MYH10: variants seen among roughly 807,000 people sequenced by gnomAD.
MYH10 encodes the protein myosin heavy chain 10, also known as myosin-10.
MYH10 carries 55 observed loss-of-function variants against 257.8 expected under a neutral mutation model. The observed-to-expected ratio is 0.21, with a 90% CI of 0.17 to 0.27. The LOEUF (loss-of-function observed/expected upper bound fraction) is 0.27. MYH10 is among the 10% of genes least tolerant of loss of function. MYH10 has a pLI of 1.00. For synonymous variants in MYH10, 854 were observed against 921.7 expected (o/e 0.93, Z 1.33); for missense variants, 1,631 against 2,500.6 (o/e 0.65, Z 7.42).
intron 7 of MYH10, among the ~76,000 whole-genome samples, chr17:8,566,526 T>C (rs769287340): frequency 1.3e-5 from 2 of 151,828 alleles, no homozygotes; most frequent in Non-Finnish European, 2.9e-5. Flanking sequence ...CCAAGAGCCA[T>C]GTAGGATAGG....
chr17:8,557,193 TC>T (rs766111440), intron 7 of MYH10, among the ~76,000 whole-genome samples: 13 of 152,128 alleles, frequency 8.5e-5, no homozygotes, highest in Non-Finnish European at 1.6e-4. Context: ...AAATTACACC[TC>T]AATAGTTGAT....
At chr17:8,577,866 G>A (rs2152021734) in intron 4 of MYH10, among the ~76,000 whole-genome samples, 1 of 152,280 alleles carries the variant, frequency 6.6e-6, no homozygotes, top group African/African-American at 2.4e-5. Flanking sequence ...CCAGTAAGAG[G>A]ACACAGGAAA....
At chr17:8,602,957 T>C (rs138510102) in intron 3 of MYH10, among the ~76,000 whole-genome samples, 55 of 152,350 alleles carry the variant, frequency 3.6e-4, no homozygotes, top group African/African-American at 1.3e-3. Flanking sequence ...TAATATGATA[T>C]GCTGATAAGC....
intron 2 of MYH10, among the ~76,000 whole-genome samples, chr17:8,621,834 C>A (rs765167978): frequency 6.6e-6 from 1 of 152,168 alleles, no homozygotes; most frequent in East Asian, 1.9e-4. Flanking sequence ...TCACAAACAG[C>A]CCTTAACTGA....
At chr17:8,592,959 A>ATATGTATATATATATATATATATATG (rs1567953148) in intron 3 of MYH10, among the ~76,000 whole-genome samples, 1 of 121,396 alleles carries the variant, frequency 8.2e-6, no homozygotes, top group African/African-American at 2.8e-5. Context: ...ATATATATAT[A>ATATGTATATATATATATATATATATG]TATATATATA....
chr17:8,611,181 C>T (rs922112929), intron 2 of MYH10, among the ~76,000 whole-genome samples: 2 of 152,236 alleles, frequency 1.3e-5, no homozygotes, highest in Admixed American at 1.3e-4. Context: ...ATGGCTACAC[C>T]CTAAGAGTTA....
chr17:8,511,688 C>A (rs1030172587), intron 24 of MYH10, among the ~76,000 whole-genome samples: 2 of 152,156 alleles, frequency 1.3e-5, no homozygotes, highest in African/African-American at 4.8e-5. Flanking sequence ...TGAGTGTTTT[C>A]TTGTAAAAAT....
In MYH10 at chr17:8,490,930, CTT is replaced by C. The variant is rs887014788; in HGVS notation, c.4672-380_4672-379del. The stretch of plus-strand genomic sequence containing the variant: ...GAGGAACAAGTACAACAGTACATCT[CTT>C]CTTGCTGTAGAGAAGATCATTCGTA... On this transcript the variant is annotated intron_variant, in intron 34 of 42. Transcript: ENST00000360416. The surrounding 1 kb of genome is among the most constrained non-coding windows in gnomAD (Gnocchi z 4.1). Among the ~76,000 whole-genome samples the C allele has an allele frequency of 1.2e-4, 18 of 152,224 alleles. No individual in the cohort carries two copies. Among genetic ancestry groups the C allele is most frequent in the African/African-American group, 4.1e-4 (17 of 41,462 alleles).
At chr17:8,508,456 T>C in intron 26 of MYH10, 98 bp downstream of exon 26, 1 of 1,516,192 alleles carries the variant, frequency 6.6e-7, no homozygotes, top group Non-Finnish European at 9.0e-7. Context: ...TTATTAGTAA[T>C]CATCATGTAT....
intron 4 of MYH10, among the ~76,000 whole-genome samples, chr17:8,582,486 C>T (rs2083745645): frequency 6.6e-6 from 1 of 152,236 alleles, no homozygotes; most frequent in South Asian, 2.1e-4. Flanking sequence ...GCTGCAGTCC[C>T]AGCATCGTGC....
Position 8,490,204 on chromosome 17 carries a change from A to T in MYH10, c.4884+136T>A, listed in dbSNP as rs746667284. ...AAATAATAAAATTCTCAAATGACCAAATAAATTCATTTTACTCTATGTGTT... is the reference window on the plus strand; with the variant it reads ...AAATAATAAAATTCTCAAATGACCATATAAATTCATTTTACTCTATGTGTT... On this transcript the variant is annotated intron_variant, in intron 35 of 42. Transcript: ENST00000360416. This position sits in a 1 kb window ranked among gnomAD's most constrained non-coding sequence, Gnocchi z 4.1. The T allele has an allele frequency of 4.1e-6, 3 of 732,166 alleles. No individual in the cohort carries two copies. The highest frequency in any genetic ancestry group is 4.5e-6 in the Non-Finnish European group (2 of 441,702). 45.4% of individuals were successfully genotyped at this position (732,166 alleles called of 1,614,324 possible).
In MYH10 at chr17:8,504,375, A is replaced by G. The variant is rs1259527162; in HGVS notation, c.3599+319T>C. ...TTCTCCCTCTGGTCCTATCTATCTAAATCTCTTTTCACTGCCCCCTGCTCT... is the reference window on the plus strand; with the variant it reads ...TTCTCCCTCTGGTCCTATCTATCTAGATCTCTTTTCACTGCCCCCTGCTCT... On this transcript the variant is annotated intron_variant, in intron 28 of 42. Transcript: ENST00000360416. This position sits in a 1 kb window ranked among gnomAD's most constrained non-coding sequence, Gnocchi z 5.6. Among the ~76,000 whole-genome samples the G allele has an allele frequency of 6.6e-6, 1 of 151,644 alleles. No individual in the cohort carries two copies. Among genetic ancestry groups the G allele is most frequent in the African/African-American group, 2.4e-5 (1 of 41,210 alleles).
At chr17:8,562,956 G>GT (rs1168634095) in intron 7 of MYH10, among the ~76,000 whole-genome samples, 5 of 152,180 alleles carry the variant, frequency 3.3e-5, no homozygotes, top group South Asian at 4.1e-4. Context: ...TGATTATAAT[G>GT]TATCTATAGT....
Position 8,475,895 on chromosome 17 carries a change from TGCAGCTGGC to T in MYH10, c.5924_5932del (p.Arg1975_Leu1977del), listed in dbSNP as rs1371070249. On this transcript the variant is annotated inframe_deletion, in exon 43 of 43. Transcript: ENST00000360416. ...GAGCTCCAGGGAAGCTCCTTCAAGG[TGCAGCTGGC>T]GCCGGCCAGATCGGCTGGAAGAGAA... 6.2e-7 allele frequency: 1 copy of T among 1,614,180 alleles called. No homozygotes were observed.
rs778316906 is a variant in MYH10, at chr17:8,487,479, G to A, written c.5000C>T (p.Ala1667Val). The A allele has an allele frequency of 1.2e-5, 20 of 1,614,166 alleles. No individual in the cohort carries two copies. Among genetic ancestry groups the A allele is most frequent in the South Asian group, 2.2e-5 (2 of 91,086 alleles). The part of the protein sequence containing the change: ...LKDLEAQIEA[A>V]NKARDEVIKQ... ...AATCACCTCATCCCGAGCTTTGTTC[G>A]CAGCCTCGATTTGGGCTTCGAGGTC... The change falls in exon 36 of 43, where the codon GCG becomes GTG. Residue 1667 changes from alanine to valine, a missense_variant. Coordinates refer to ENST00000360416, the MANE Select transcript of MYH10 (RefSeq NM_001256012.3).
intron 21 of MYH10, 117 bp from the exon 22 acceptor site, chr17:8,514,011 C>T: frequency 1.1e-6 from 1 of 895,920 alleles, no homozygotes; most frequent in Non-Finnish European, 1.7e-6. Flanking sequence ...GGAATGATTG[C>T]ATCAATCAAG....
intron 2 of MYH10, among the ~76,000 whole-genome samples, chr17:8,608,335 T>C (rs975583278): frequency 1.3e-5 from 2 of 152,176 alleles, no homozygotes; most frequent in Non-Finnish European, 1.5e-5. Flanking sequence ...AGGGCCTAGA[T>C]GACAGAAAAG....
At chr17:8,501,677 T>C (rs760636413) in intron 28 of MYH10, among the ~76,000 whole-genome samples, 9 of 152,080 alleles carry the variant, frequency 5.9e-5, no homozygotes, top group Non-Finnish European at 1.3e-4. Context: ...GGCAGGAAAA[T>C]TAAAAGGCAG....
chr17:8,524,739 C>T (rs1005586353), intron 17 of MYH10, among the ~76,000 whole-genome samples: 2 of 152,216 alleles, frequency 1.3e-5, no homozygotes, highest in Admixed American at 1.3e-4. Flanking sequence ...CCTTCATTTA[C>T]ACCTTTTGTC....
Sources: gnomAD v4.1 joint callset for allele counts (sites outside exome capture counted in the v4.1 genomes callset) on GRCh38, gnomAD v4.1.1 for gene constraint, Gnocchi (gnomAD v3.1) non-coding constraint, MANE v1.5 for transcripts, NCBI Gene and HGNC (gene_info 2026-07-23, HGNC 2026-07-21) for gene names.